Variants in DLG1 observed in about 807,000 individuals in gnomAD.
DLG1 encodes the protein discs large MAGUK scaffold protein 1, also known as disks large homolog 1.
Under a neutral mutation model 123.4 loss-of-function variants are expected in DLG1, and 42 were observed. That is an observed-to-expected ratio of 0.34 (90% CI 0.27 to 0.44). The LOEUF is 0.44. DLG1 is among the 20% of genes least tolerant of loss of function. The probability of loss-of-function intolerance (pLI) is 1.00; values close to 1 mark genes in which losing one functional copy is unlikely to be tolerated. For missense variants in DLG1, 942 were observed against 1,082.6 expected, an observed-to-expected ratio of 0.87 and a Z score of 1.82; for synonymous variants, 317 against 356.2, an observed-to-expected ratio of 0.89 and a Z score of 1.24.
chr3:197,213,998 A>T (rs781546646), intron 4 of DLG1, among the ~76,000 whole-genome samples: 2 of 152,220 alleles, frequency 1.3e-5, no homozygotes, highest in African/African-American at 2.4e-5. Flanking sequence ...GTTTGATAGC[A>T]GCACAAACAA....
rs557125821 is a variant in DLG1 at position 197,057,245 on chromosome 3, A to G, written c.2483+2644T>C. Among the ~76,000 whole-genome samples, 7 of 152,134 alleles carry G rather than the reference A, an allele frequency of 4.6e-5. No individual in the cohort carries two copies. The East Asian group carries it at 1.2e-3, about 25-fold the overall frequency. On this transcript the variant is annotated intron_variant, in intron 23 of 24. Coordinates refer to ENST00000667157, the MANE Select transcript of DLG1 (RefSeq NM_001366207.1). ...CAGGAATGCACCACCACATCCAGCT[A>G]CCTTTTAAAGTTTTCTGTAGAGACA...
chr3:197,118,525 A>G (rs576620057), intron 12 of DLG1, among the ~76,000 whole-genome samples: 20 of 152,226 alleles, frequency 1.3e-4, no homozygotes, highest in Non-Finnish European at 2.5e-4. Context: ...CAGGAGTCTG[A>G]TAAGTAAAAA....
intron 4 of DLG1, among the ~76,000 whole-genome samples, chr3:197,220,456 T>C (rs1161324114): frequency 1.3e-5 from 2 of 152,112 alleles, no homozygotes; most frequent in African/African-American, 2.4e-5. Context: ...GTACTAGATT[T>C]TCAAAGAAAA....
At chr3:197,286,727 A>G (rs1408199018) in intron 3 of DLG1, among the ~76,000 whole-genome samples, 1 of 152,188 alleles carries the variant, frequency 6.6e-6, no homozygotes, top group African/African-American at 2.4e-5. Context: ...ATTTTAACAA[A>G]TATACCACAC....
Position 197,073,847 on chromosome 3 carries a change from T to C in DLG1, c.2005+2739A>G, listed in dbSNP as rs115989163. Among the ~76,000 whole-genome samples, 1,294 of 152,250 alleles carry C rather than the reference T, an allele frequency of 8.5e-3. 17 individuals are homozygous for C. Among genetic ancestry groups the C allele is most frequent in the African/African-American group, 0.03 (1,226 of 41,548 alleles). On this transcript the variant is annotated intron_variant, in intron 18 of 24. Transcript: ENST00000667157. ...TCAGTGTTATTCCATTTCTCTTCAA[T>C]AGGTTCGGTTCTCTGGAATAACTTA...
intron 5 of DLG1, among the ~76,000 whole-genome samples, chr3:197,190,834 C>A (rs1577824663): frequency 6.6e-6 from 1 of 152,166 alleles, no homozygotes; most frequent in South Asian, 2.1e-4. Flanking sequence ...CACGGTGAAA[C>A]CCCGTCTCTA....
upstream of DLG1, chr3:197,298,662 C>T (rs1394766479): frequency 5.0e-6 from 2 of 397,634 alleles, no homozygotes; most frequent in African/African-American, 4.1e-5. Flanking sequence ...ACTGCACCTC[C>T]CAGGGGGCGG....
intron 4 of DLG1, among the ~76,000 whole-genome samples, chr3:197,253,780 T>TA (rs1755568202): frequency 6.6e-6 from 1 of 152,162 alleles, no homozygotes; most frequent in Non-Finnish European, 1.5e-5. Flanking sequence ...TTGACTCTAT[T>TA]AACGTCAATA....
At chr3:197,115,010 A>G (rs915502219) in intron 13 of DLG1, among the ~76,000 whole-genome samples, 21 of 132,768 alleles carry the variant, frequency 1.6e-4, no homozygotes, top group African/African-American at 4.8e-4. Flanking sequence ...AAAAAAAAAA[A>G]GGGAAATTTT....
chr3:197,043,074 G>T lies in DLG1; in HGVS notation c.*1549C>A, dbSNP rs555207021. The T allele has an allele frequency of 2.2e-4, 33 of 152,168 alleles. No homozygotes were observed. Among genetic ancestry groups the T allele is most frequent in the Non-Finnish European group, 4.1e-4 (28 of 68,038 alleles). 9.4% of individuals were successfully genotyped at this position (152,168 alleles called of 1,614,324 possible). ...CATATTTAATAAACAACTCCAAAGAGCAATGGGAAGCCAAATATTATTATT... is the reference window on the plus strand; with the variant it reads ...CATATTTAATAAACAACTCCAAAGATCAATGGGAAGCCAAATATTATTATT... On this transcript the variant is annotated 3_prime_UTR_variant, in exon 25 of 25. Coordinates refer to ENST00000667157, the MANE Select transcript of DLG1 (RefSeq NM_001366207.1).
At chr3:197,081,876 T>C (rs989483796) in intron 16 of DLG1, among the ~76,000 whole-genome samples, 4 of 152,194 alleles carry the variant, frequency 2.6e-5, no homozygotes, top group African/African-American at 7.2e-5. Flanking sequence ...TTTATGTAGA[T>C]TGTAACACTA....
chr3:197,064,967 C>T lies in DLG1; in HGVS notation c.2373+309G>A, dbSNP rs184202433. 7.9e-5 allele frequency among the ~76,000 whole-genome samples: 12 copies of T among 151,946 alleles called. No individual in the cohort carries two copies. In the South Asian group the frequency reaches 1.0e-3, roughly 13 times the overall value. ...GACTGTAAGGGTGCACTGCCACACC[C>T]GGCCCTTATCTCCTTTTAATATATG... On this transcript the variant is annotated intron_variant, in intron 22 of 24. Transcript: ENST00000667157.
chr3:197,244,507 C>T (rs143928444), intron 4 of DLG1, among the ~76,000 whole-genome samples: 2 of 152,086 alleles, frequency 1.3e-5, no homozygotes, highest in East Asian at 1.9e-4. Context: ...TCTACGACGG[C>T]CACTTTGGTT....
intron 4 of DLG1, among the ~76,000 whole-genome samples, chr3:197,227,667 A>G (rs1349773232): frequency 6.6e-6 from 1 of 152,106 alleles, no homozygotes; most frequent in Non-Finnish European, 1.5e-5. Context: ...CTTACCACCA[A>G]CCATAACTCT....
chr3:197,067,747 G>A (rs771838387), intron 19 of DLG1, among the ~76,000 whole-genome samples: 2 of 152,014 alleles, frequency 1.3e-5, no homozygotes, highest in Non-Finnish European at 2.9e-5. Context: ...AGTAAAGATA[G>A]GGTTTCTCCA....
intron 5 of DLG1, among the ~76,000 whole-genome samples, chr3:197,163,687 A>ATTTTTTTTT (rs56865627): frequency 6.7e-3 from 683 of 102,056 alleles, no homozygotes; most frequent in Non-Finnish European, 9.4e-3. Flanking sequence ...ATGCTCAGCT[A>ATTTTTTTTT]TTTTTTTTTT....
intron 8 of DLG1, among the ~76,000 whole-genome samples, chr3:197,139,041 T>C (rs1786567214): frequency 6.6e-6 from 1 of 152,202 alleles, no homozygotes; most frequent in African/African-American, 2.4e-5. Context: ...TTTTGAAATT[T>C]ATATAAAGAT....
rs138592640 is a variant in DLG1 at position 197,144,105 on chromosome 3, T to C, written c.538-1337A>G. Among the ~76,000 whole-genome samples, 1,480 of 152,286 alleles carry C rather than the reference T, an allele frequency of 9.7e-3. 17 individuals carry two copies. The highest frequency in any genetic ancestry group is 0.023 in the African/African-American group (957 of 41,556). ...CCATTCCAGACATTCTTTTGCAATA[T>C]AACTAAATCACCCTACCATCAAAAG... On this transcript the variant is annotated intron_variant, in intron 6 of 24. Transcript: ENST00000667157.
At chr3:197,243,721 C>A (rs201684634) in intron 4 of DLG1, among the ~76,000 whole-genome samples, 5 of 152,072 alleles carry the variant, frequency 3.3e-5, no homozygotes, top group Non-Finnish European at 7.4e-5. Context: ...ACTGACAAAT[C>A]GTTGTTGGTT....
Sources: allele counts gnomAD v4.1 joint callset (sites outside exome capture counted in the v4.1 genomes callset), GRCh38; gene constraint gnomAD v4.1.1; transcripts MANE v1.5; gene names NCBI Gene and HGNC (gene_info 2026-07-23, HGNC 2026-07-21).